Variants in TMPRSS11A observed in about 807,000 individuals in gnomAD.
TMPRSS11A encodes transmembrane serine protease 11A.
TMPRSS11A carries 53 observed loss-of-function variants against 58.9 expected under a neutral mutation model. That is an observed-to-expected ratio of 0.90 (90% CI 0.72 to 1.13). The LOEUF (loss-of-function observed/expected upper bound fraction) is 1.13. TMPRSS11A is among the 50% of genes most tolerant of loss of function. The pLI, the probability that TMPRSS11A is intolerant of heterozygous loss-of-function variation, is 0.00. For missense variants in TMPRSS11A, 493 were observed against 499.3 expected, an observed-to-expected ratio of 0.99 and a Z score of 0.12; for synonymous variants, 167 against 169.8, an observed-to-expected ratio of 0.98 and a Z score of 0.13.
intron 9 of TMPRSS11A, among the ~76,000 whole-genome samples, chr4:67,913,985 A>T (rs1408870078): frequency 6.6e-6 from 1 of 152,236 alleles, no homozygotes; most frequent in African/African-American, 2.4e-5. Flanking sequence ...CCATGGAATC[A>T]CAACATGGCC....
chr4:67,912,871 AT>A (rs748708187), intron 9 of TMPRSS11A, among the ~76,000 whole-genome samples: 4 of 150,912 alleles, frequency 2.7e-5, no homozygotes, highest in South Asian at 2.1e-4. Flanking sequence ...AGCATTCTTT[AT>A]TTTTTTTTAT....
At chr4:67,932,420 A>T (rs1469912001) in intron 3 of TMPRSS11A, among the ~76,000 whole-genome samples, 1 of 152,172 alleles carries the variant, frequency 6.6e-6, no homozygotes, top group Non-Finnish European at 1.5e-5. Flanking sequence ...CAGAGATAGG[A>T]TATTCAGAGA....
intron 3 of TMPRSS11A, among the ~76,000 whole-genome samples, chr4:67,933,198 T>A (rs1171808173): frequency 2.0e-5 from 3 of 152,150 alleles, no homozygotes; most frequent in African/African-American, 7.2e-5. Context: ...CAGGAATTCA[T>A]AAATACCTCA....
chr4:67,963,318 C>G (rs1721484558), intron 1 of TMPRSS11A, 65 bp downstream of exon 1: 1 of 1,577,526 alleles, frequency 6.3e-7, no homozygotes, highest in Non-Finnish European at 8.7e-7. Context: ...TCTTACACAT[C>G]AGGAATCCGG....
At chr4:67,961,486 T>C (rs139759292) in intron 1 of TMPRSS11A, among the ~76,000 whole-genome samples, 2,458 of 2,800 alleles carry the variant, frequency 0.88, 1,161 homozygotes, top group South Asian at 0.98. Context: ...TCTTTTCCTT[T>C]TTTTTTTTTT....
chr4:67,950,962 TG>T (rs546796520), intron 1 of TMPRSS11A, among the ~76,000 whole-genome samples: 43 of 152,214 alleles, frequency 2.8e-4, no homozygotes, highest in Non-Finnish European at 5.4e-4. Context: ...AGAGCCTTGG[TG>T]GGCCAAGGCC....
rs371252656 is a variant in TMPRSS11A, at chr4:67,920,549, A to ATATATATAT, written c.693-1318_693-1317insATATATATA. 2.2e-3 allele frequency among the ~76,000 whole-genome samples: 290 copies of ATATATATAT among 130,878 alleles called. 1 individual carries two copies. Among genetic ancestry groups the ATATATATAT allele is most frequent in the East Asian group, 0.015 (66 of 4,304 alleles). The allele number at this position is 130,878 out of a possible 152,430, so 85.9% of individuals were successfully genotyped here. A position where few individuals can be genotyped will look rare whatever the true frequency, so the allele number is the denominator to read the frequency against. On this transcript the variant is annotated intron_variant, in intron 7 of 9. Coordinates refer to ENST00000508048, the MANE Select transcript of TMPRSS11A (RefSeq NM_001114387.2). ...TAATTATATATATATATATATATAT[A>ATATATATAT]TTTTTTTTTATATATACACACACAC...
intron 1 of TMPRSS11A, among the ~76,000 whole-genome samples, chr4:67,947,674 G>C (rs1721058794): frequency 6.6e-6 from 1 of 152,146 alleles, no homozygotes; most frequent in Non-Finnish European, 1.5e-5. Flanking sequence ...CAATTTTGGA[G>C]GAAAAAATAA....
At chr4:67,943,300 T>C (rs189537) in intron 3 of TMPRSS11A, among the ~76,000 whole-genome samples, 117,458 of 152,174 alleles carry the variant, frequency 0.77, 45,639 homozygotes, top group East Asian at 0.84. Context: ...ACAGAATTGC[T>C]TAGTTAACTT....
intron 1 of TMPRSS11A, among the ~76,000 whole-genome samples, chr4:67,954,029 C>A (rs1721223155): frequency 6.6e-6 from 1 of 152,170 alleles, no homozygotes; most frequent in Admixed American, 6.5e-5. Context: ...TGAATCCAGA[C>A]CAAAGGCAAT....
In TMPRSS11A at chr4:67,922,915, G is replaced by A. The variant is rs569839425; in HGVS notation, c.532C>T (p.Arg178Ter). ...CTGTTGACGTTTAATGGAACAACTC[G>A]TTTACCACAACCTGAAAAAAGATGA... ...ELTVQASCGK[R>*]VVPLNVNRIA... Residue 178 changes from arginine (R) to a stop codon, truncating the protein, a stop_gained, in exon 7 of 10, where the codon CGA (arginine) becomes TGA (stop). Coordinates refer to ENST00000508048, the MANE Select transcript of TMPRSS11A (RefSeq NM_001114387.2). LOFTEE classifies it high-confidence loss of function. 1.9e-5 allele frequency: 31 copies of A among 1,613,914 alleles called. No homozygotes were observed. Among genetic ancestry groups the A allele is most frequent in the African/African-American group, 8.0e-5 (6 of 75,040 alleles).
chr4:67,919,653 A>C (rs1720265648), intron 7 of TMPRSS11A, among the ~76,000 whole-genome samples: 1 of 152,234 alleles, frequency 6.6e-6, no homozygotes, highest in Non-Finnish European at 1.5e-5. Flanking sequence ...AATAATCTTA[A>C]ACATTGATAA....
chr4:67,933,390 A>T (rs1055398109), intron 3 of TMPRSS11A, among the ~76,000 whole-genome samples: 2 of 152,112 alleles, frequency 1.3e-5, no homozygotes, highest in African/African-American at 4.8e-5. Flanking sequence ...GCCTCTTCCC[A>T]CTCAATCACA....
chr4:67,939,803 C>A (rs12512331), intron 3 of TMPRSS11A, among the ~76,000 whole-genome samples: 2,601 of 152,262 alleles, frequency 0.017, 215 homozygotes, highest in Admixed American at 0.14. Flanking sequence ...ATTCTCCTGC[C>A]TCAGCCCTCC....
chr4:67,957,741 T>G (rs1721321116), intron 1 of TMPRSS11A, among the ~76,000 whole-genome samples: 6 of 152,142 alleles, frequency 3.9e-5, no homozygotes. Flanking sequence ...GAGCTGAATG[T>G]TAATCACCAA....
At chr4:67,913,364 A>T (rs1192668818) in intron 9 of TMPRSS11A, among the ~76,000 whole-genome samples, 1 of 152,150 alleles carries the variant, frequency 6.6e-6, no homozygotes, top group Non-Finnish European at 1.5e-5. Flanking sequence ...GCCCCTCACC[A>T]TGTGCCCCAA....
At chr4:67,924,973 CT>C (rs11286541) in intron 5 of TMPRSS11A, among the ~76,000 whole-genome samples, 64,674 of 138,260 alleles carry the variant, frequency 0.47, 14,103 homozygotes, top group East Asian at 0.64. Context: ...TCACATAAAT[CT>C]TTTTTTTTTT....
intron 2 of TMPRSS11A, among the ~76,000 whole-genome samples, chr4:67,945,021 G>A (rs1346474103): frequency 6.6e-6 from 1 of 152,164 alleles, no homozygotes; most frequent in African/African-American, 2.4e-5. Flanking sequence ...ACATTTCATT[G>A]CTACATTGCT....
chr4:67,921,898 C>T lies in TMPRSS11A; in HGVS notation c.692+857G>A, dbSNP rs149768667. Reference sequence around the variant, plus strand: ...AATAATTGGCAATGAAGAAGAAAGGCGATACAGTTAATCTACTTAGAAACA... The same window carrying T: ...AATAATTGGCAATGAAGAAGAAAGGTGATACAGTTAATCTACTTAGAAACA... On this transcript the variant is annotated intron_variant, in intron 7 of 9. Coordinates refer to ENST00000508048, the MANE Select transcript of TMPRSS11A (RefSeq NM_001114387.2). Among the ~76,000 whole-genome samples, 1,515 of 151,906 alleles carry T rather than the reference C, an allele frequency of 1.0e-2. 25 individuals carry two copies. Among genetic ancestry groups the T allele is most frequent in the African/African-American group, 0.034 (1,425 of 41,388 alleles).
Sources: gnomAD v4.1 joint callset for allele counts (sites outside exome capture counted in the v4.1 genomes callset) on GRCh38, gnomAD v4.1.1 for gene constraint, MANE v1.5 for transcripts, NCBI Gene and HGNC (gene_info 2026-07-23, HGNC 2026-07-21) for gene names.